Variants in NTM observed in about 807,000 individuals in gnomAD.
NTM encodes the protein IgLON family member 2.
In NTM, 13 loss-of-function variants were observed where a neutral mutation model predicts 42.1. The observed-to-expected ratio is 0.31, with a 90% CI of 0.20 to 0.49. The LOEUF (loss-of-function observed/expected upper bound fraction) is 0.49. NTM is among the 20% of genes least tolerant of loss of function. The pLI, the probability that NTM is intolerant of heterozygous loss-of-function variation, is 0.99. For missense variants in NTM, 373 were observed against 452.8 expected (o/e 0.82, Z 1.60); for synonymous variants, 187 against 179.2 (o/e 1.04, Z -0.35).
At chr11:131,891,492 G>T (rs2051332405) in intron 1 of NTM, among the ~76,000 whole-genome samples, 1 of 152,178 alleles carries the variant, frequency 6.6e-6, no homozygotes, top group Non-Finnish European at 1.5e-5. Context: ...TCAAAAAGAA[G>T]AAGCACATTT....
At chr11:132,249,686 G>A (rs1566576924) in intron 4 of NTM, among the ~76,000 whole-genome samples, 1 of 152,216 alleles carries the variant, frequency 6.6e-6, no homozygotes, top group Non-Finnish European at 1.5e-5. Flanking sequence ...AGGCTGAGAA[G>A]TCAGGATCCA....
At chr11:131,592,278 C>T (rs2059427541) in intron 1 of NTM, among the ~76,000 whole-genome samples, 1 of 152,122 alleles carries the variant, frequency 6.6e-6, no homozygotes, top group Non-Finnish European at 1.5e-5. Flanking sequence ...CTGCTACTAA[C>T]TGAGAAGCTT....
At chr11:131,584,993 G>A (rs76496071) in intron 1 of NTM, among the ~76,000 whole-genome samples, 2 of 151,494 alleles carry the variant, frequency 1.3e-5, no homozygotes, top group Non-Finnish European at 1.5e-5. Flanking sequence ...AGAGGCCAAG[G>A]GGGGTGCAGT....
chr11:132,010,036 G>A (rs953774567), intron 2 of NTM, among the ~76,000 whole-genome samples: 18 of 152,166 alleles, frequency 1.2e-4, no homozygotes, highest in Admixed American at 1.0e-3. Context: ...AAAATGGACA[G>A]ACAATTTCTT....
chr11:132,266,405 A>G (rs1178488283), intron 4 of NTM, among the ~76,000 whole-genome samples: 1 of 152,104 alleles, frequency 6.6e-6, no homozygotes, highest in African/African-American at 2.4e-5. Context: ...CCTCATTACA[A>G]CCTCAGAGCA....
chr11:132,295,378 C>G (rs191056612), intron 4 of NTM, among the ~76,000 whole-genome samples: 1 of 152,132 alleles, frequency 6.6e-6, no homozygotes, highest in South Asian at 2.1e-4. Flanking sequence ...CGTGCTAAAC[C>G]TGCTATAGAT....
At chr11:132,140,533 T>C (rs944280850) in intron 2 of NTM, among the ~76,000 whole-genome samples, 2 of 152,168 alleles carry the variant, frequency 1.3e-5, no homozygotes, top group African/African-American at 2.4e-5. Context: ...ATGACCCAGA[T>C]CAATTTTGTA....
chr11:131,658,618 G>A (rs1280375745), intron 1 of NTM, among the ~76,000 whole-genome samples: 3 of 152,188 alleles, frequency 2.0e-5, no homozygotes, highest in Non-Finnish European at 2.9e-5. Flanking sequence ...CCTGGTCTGC[G>A]GAGAAACTTG....
At chr11:132,319,492 G>A (rs1301247853) in intron 7 of NTM, among the ~76,000 whole-genome samples, 1 of 152,208 alleles carries the variant, frequency 6.6e-6, no homozygotes, top group African/African-American at 2.4e-5. Context: ...GGCTTGGAGG[G>A]TCCTACACCC....
intron 3 of NTM, among the ~76,000 whole-genome samples, chr11:132,201,686 T>C (rs1315095532): frequency 2.0e-5 from 3 of 152,356 alleles, no homozygotes; most frequent in Non-Finnish European, 4.4e-5. Flanking sequence ...GGGTTGGTTT[T>C]TACAGCAAAC....
At chr11:132,319,294 C>T (rs184337378) in intron 7 of NTM, among the ~76,000 whole-genome samples, 42 of 152,240 alleles carry the variant, frequency 2.8e-4, no homozygotes, top group Non-Finnish European at 5.1e-4. Flanking sequence ...TGCAGCTCAC[C>T]GTGTGCGAGC....
At chr11:131,903,677 A>G (rs1027608931) in intron 1 of NTM, among the ~76,000 whole-genome samples, 1 of 152,188 alleles carries the variant, frequency 6.6e-6, no homozygotes, top group African/African-American at 2.4e-5. Flanking sequence ...GAAGCATTAT[A>G]ATCCTAGACT....
intron 1 of NTM, among the ~76,000 whole-genome samples, chr11:131,729,032 A>G (rs2079302459): frequency 6.6e-6 from 1 of 152,238 alleles, no homozygotes; most frequent in South Asian, 2.1e-4. Context: ...GTGTGTAATG[A>G]TAAGAAAGAA....
intron 1 of NTM, among the ~76,000 whole-genome samples, chr11:131,622,845 C>A (rs936420193): frequency 6.6e-6 from 1 of 152,138 alleles, no homozygotes; most frequent in Non-Finnish European, 1.5e-5. Flanking sequence ...CAGGAGTGCT[C>A]CTTGGGTGGC....
chr11:131,388,828 A>G (rs939801612), intron 1 of NTM, among the ~76,000 whole-genome samples: 4 of 151,722 alleles, frequency 2.6e-5, no homozygotes, highest in South Asian at 2.1e-4. Context: ...CCTGGCCAAC[A>G]TGGTGAAACC....
chr11:132,315,487 C>A (rs1005360542), intron 7 of NTM, among the ~76,000 whole-genome samples: 4 of 152,166 alleles, frequency 2.6e-5, no homozygotes, highest in African/African-American at 9.7e-5. Flanking sequence ...GGGCAAATTC[C>A]TTCATACCCC....
In NTM at chr11:132,146,860, A is replaced by C. The variant is rs555509468; in HGVS notation, c.400+346A>C. On this transcript the variant is annotated intron_variant, in intron 3 of 8. Coordinates refer to ENST00000683400, the MANE Select transcript of NTM (RefSeq NM_001352005.2). This position sits in a 1 kb window ranked among gnomAD's most constrained non-coding sequence, Gnocchi z 4.5. ...TTGTTTTGTTTTTTAGATTTCATCC[A>C]ATTCCAAGACTGTGTTATGTTTAAA... 9.0e-4 allele frequency: 271 copies of C among 300,478 alleles called. 4 individuals carry two copies. Among genetic ancestry groups the C allele is most frequent in the South Asian group, 6.4e-3 (135 of 21,074 alleles). 18.6% of individuals were successfully genotyped at this position (300,478 alleles called of 1,614,324 possible).
chr11:131,449,211 T>A (rs982655261), intron 1 of NTM, among the ~76,000 whole-genome samples: 7 of 152,130 alleles, frequency 4.6e-5, no homozygotes, highest in Admixed American at 6.5e-5. Flanking sequence ...GTGCAGTAAC[T>A]CATGCATGAG....
intron 1 of NTM, among the ~76,000 whole-genome samples, chr11:131,598,184 G>A (rs1234997933): frequency 8.3e-6 from 1 of 120,288 alleles, no homozygotes; most frequent in African/African-American, 2.5e-5. Flanking sequence ...TATCAGAGGT[G>A]GGAGAATTCC....
Sources: gnomAD v4.1 joint callset for allele counts (sites outside exome capture counted in the v4.1 genomes callset) on GRCh38, gnomAD v4.1.1 for gene constraint, Gnocchi (gnomAD v3.1) non-coding constraint, MANE v1.5 for transcripts, NCBI Gene and HGNC (gene_info 2026-07-23, HGNC 2026-07-21) for gene names.